Variants in GGPS1 observed in about 807,000 individuals in gnomAD.
The protein encoded by GGPS1 is geranylgeranyl diphosphate synthase 1.
In GGPS1, 15 loss-of-function variants were observed where a neutral mutation model predicts 28.1. That is an observed-to-expected ratio of 0.53 (90% confidence interval 0.36 to 0.82). The LOEUF (loss-of-function observed/expected upper bound fraction) is 0.82, where lower values mean the gene tolerates loss of function less well. Ranked by LOEUF, GGPS1 falls within the 40% of genes least tolerant of loss-of-function variation. The probability of loss-of-function intolerance (pLI) is 0.01; values close to 1 mark genes in which losing one functional copy is unlikely to be tolerated. For missense variants in GGPS1, 284 were observed against 348.3 expected (o/e 0.82, Z 1.47); for synonymous variants, 138 against 122.4 (o/e 1.13, Z -0.84).
chr1:235,342,768 A>C lies in GGPS1; in HGVS notation c.899A>C (p.Glu300Ala). 1 of 1,570,356 alleles carries C rather than the reference A, an allele frequency of 6.4e-7. No homozygotes were observed. Among genetic ancestry groups the C allele is most frequent in the Non-Finnish European group, 8.6e-7 (1 of 1,159,290 alleles). ...HLSKMFKEEN[E>A] Reference sequence around the variant, plus strand: ...AGTAAGATGTTCAAAGAAGAAAATGAATAATGTTAAGCCATTCTTGATTGG... The same window carrying C: ...AGTAAGATGTTCAAAGAAGAAAATGCATAATGTTAAGCCATTCTTGATTGG... The change falls in exon 4 of 4, where the codon GAA becomes GCA. Residue 300 changes from glutamate (E) to alanine (A), a missense_variant. Transcript: ENST00000282841.
upstream of GGPS1, chr1:235,328,354 A>C (rs1283873391): frequency 6.6e-6 from 1 of 151,866 alleles, no homozygotes; most frequent in Non-Finnish European, 1.5e-5. Flanking sequence ...ACAAACAACG[A>C]CGCCATTTTC....
intron 1 of GGPS1, among the ~76,000 whole-genome samples, chr1:235,333,589 C>G (rs1172487199): frequency 1.3e-5 from 2 of 151,580 alleles, no homozygotes; most frequent in East Asian, 3.9e-4. Context: ...ACAAAAGGAC[C>G]TTTGAGCAAT....
At chr1:235,341,895 T>G (rs933971603) in intron 3 of GGPS1, 116 bp from the exon 4 acceptor site, 20 of 861,654 alleles carry the variant, frequency 2.3e-5, no homozygotes, top group Non-Finnish European at 3.7e-5. Flanking sequence ...ATATTGAGGT[T>G]GCTAAATATT....
intron 1 of GGPS1, chr1:235,330,358 G>C (rs1287730018): frequency 2.0e-5 from 3 of 152,304 alleles, no homozygotes; most frequent in Admixed American, 2.0e-4. Flanking sequence ...GGTGGCGGGC[G>C]CCTGTAGTCC....
At chr1:235,332,934 G>C (rs550074394) in intron 1 of GGPS1, among the ~76,000 whole-genome samples, 28 of 152,002 alleles carry the variant, frequency 1.8e-4, no homozygotes, top group African/African-American at 6.3e-4. Flanking sequence ...TGGGCGTGGT[G>C]GTGGGCACCT....
At chr1:235,336,670 TA>T in intron 2 of GGPS1, 1 of 152,184 alleles carries the variant, frequency 6.6e-6, no homozygotes, top group East Asian at 1.9e-4. Context: ...TAAAAGTTGG[TA>T]AATTATTTGA....
intron 2 of GGPS1, among the ~76,000 whole-genome samples, chr1:235,339,457 A>G (rs902726938): frequency 2.0e-4 from 30 of 152,016 alleles, no homozygotes; most frequent in African/African-American, 6.5e-4. Context: ...TAGGTGACAG[A>G]GCAAAACTTC....
At position 235,331,298 on chromosome 1, in the gene GGPS1, T is replaced by G. The variant is rs557321054; in HGVS notation, c.-24+2520T>G. 1.3e-4 allele frequency among the ~76,000 whole-genome samples: 20 copies of G among 152,324 alleles called. No individual in the cohort carries two copies. The East Asian group carries it at 3.9e-3, about 29-fold the overall frequency. ...GAGTGCTGATCTTTTTTATGATTGT[T>G]TCATATAGATAAGAACAGACTACAA... On this transcript the variant is annotated intron_variant, in intron 1 of 3. Coordinates refer to ENST00000282841, the MANE Select transcript of GGPS1 (RefSeq NM_004837.4).
In GGPS1 at chr1:235,333,666, A is replaced by G. The variant is rs139641400; in HGVS notation, c.-23-1576A>G. 1.2e-4 allele frequency among the ~76,000 whole-genome samples: 19 copies of G among 152,246 alleles called. No individual in the cohort carries two copies. In the East Asian group the frequency reaches 3.7e-3, roughly 29 times the overall value. ...ATTCAAAAGAAAGTGGCCCTCACTC[A>G]AGCAAATATATTCTTGTGCTTTATC... is the stretch of plus-strand genomic sequence containing the variant. On this transcript the variant is annotated intron_variant, in intron 1 of 3. Coordinates refer to ENST00000282841, the MANE Select transcript of GGPS1 (RefSeq NM_004837.4).
chr1:235,338,508 A>G (rs1304353396), intron 2 of GGPS1, among the ~76,000 whole-genome samples: 1 of 152,232 alleles, frequency 6.6e-6, no homozygotes, highest in Non-Finnish European at 1.5e-5. Context: ...TTTCTATATA[A>G]CATTCAAAAG....
intron 1 of GGPS1, chr1:235,330,489 G>A (rs10754614): frequency 0.45 from 68,975 of 151,798 alleles, 15,960 homozygotes; most frequent in South Asian, 0.59. Context: ...TGTTTCAGAA[G>A]AAAGACACAA....
chr1:235,331,409 A>G (rs181752518), intron 1 of GGPS1, among the ~76,000 whole-genome samples: 1 of 152,344 alleles, frequency 6.6e-6, no homozygotes, highest in East Asian at 1.9e-4. Flanking sequence ...TGCCTTCAAT[A>G]AAGAGTTAAG....
chr1:235,328,206 T>C (rs1160449757), upstream of GGPS1: 2 of 116,570 alleles, frequency 1.7e-5, no homozygotes, highest in African/African-American at 6.5e-5. Flanking sequence ...CGACTCTAGG[T>C]TCCCCCCCTT....
intron 2 of GGPS1, among the ~76,000 whole-genome samples, chr1:235,340,762 G>C (rs1427792570): frequency 2.4e-5 from 3 of 123,504 alleles, no homozygotes; most frequent in East Asian, 2.3e-4. Flanking sequence ...AAAAAAACAA[G>C]AAAGAAAAAA....
chr1:235,330,992 ATCT>A (rs528236994), intron 1 of GGPS1, among the ~76,000 whole-genome samples: 1 of 152,180 alleles, frequency 6.6e-6, no homozygotes, highest in Non-Finnish European at 1.5e-5. Context: ...CCTGTTTTGC[ATCT>A]TCTTTTCTTA....
At position 235,335,385 on chromosome 1, in the gene GGPS1, C is replaced by T. The variant is rs533520208; in HGVS notation, c.70+51C>T. On this transcript the variant is annotated intron_variant, in intron 2 of 3. Transcript: ENST00000282841. ...AGGGTCATTTTCATGCAGTAGTGGT[C>T]GTTCAAATGTTAGCAAATAGAAAAG... 2.8e-5 allele frequency: 23 copies of T among 818,678 alleles called. No individual in the cohort carries two copies. The South Asian group carries it at 2.9e-4, about 10-fold the overall frequency. 50.7% of individuals were successfully genotyped at this position (818,678 alleles called of 1,614,324 possible).
At chr1:235,340,377 G>A (rs189272734) in intron 2 of GGPS1, among the ~76,000 whole-genome samples, 1 of 151,972 alleles carries the variant, frequency 6.6e-6, no homozygotes, top group East Asian at 1.9e-4. Context: ...GGCTGAGGTG[G>A]AGGCTGCAGT....
In GGPS1 at chr1:235,339,741, CAA is replaced by C. The variant is rs542234997; in HGVS notation, c.71-1966_71-1965del. On this transcript the variant is annotated intron_variant, in intron 2 of 3. Coordinates refer to ENST00000282841, the MANE Select transcript of GGPS1 (RefSeq NM_004837.4). The stretch of plus-strand genomic sequence containing the variant: ...CACCATTGCACTCTAGCCTGGGTGA[CAA>C]GAGCGAAATTCCATCTCCAAAAAAA... 3.5e-3 allele frequency among the ~76,000 whole-genome samples: 502 copies of C among 144,882 alleles called. 1 individual carries two copies. The highest frequency in any genetic ancestry group is 5.1e-3 in the African/African-American group (203 of 39,618).
rs16832568 is a variant in GGPS1, at chr1:235,343,798, T to C, written c.*1026T>C. 21,825 of 166,846 alleles carry C rather than the reference T, an allele frequency of 0.13. 1,641 individuals are homozygous for C. Among genetic ancestry groups the C allele is most frequent in the African/African-American group, 0.2 (8,162 of 41,432 alleles). The allele number at this position is 166,846 out of a possible 1,614,324, so 10.3% of individuals were successfully genotyped here. On this transcript the variant is annotated 3_prime_UTR_variant, in exon 4 of 4. Transcript: ENST00000282841. ...CGGAAAAAGAGAGTATGGGATATTT[T>C]AGAAGGGAGCCTTTGAACCTTATTA...
Sources: gnomAD v4.1 joint callset for allele counts (sites outside exome capture counted in the v4.1 genomes callset) on GRCh38, gnomAD v4.1.1 for gene constraint, MANE v1.5 for transcripts, NCBI Gene and HGNC (gene_info 2026-07-23, HGNC 2026-07-21) for gene names.